The following KCNH8 variants were observed in gnomAD, a reference collection of about 807,000 sequenced individuals.
KCNH8 encodes the protein voltage-gated delayed rectifier potassium channel KCNH8.
In KCNH8, 70 loss-of-function variants were observed where a neutral mutation model predicts 103.6. That is an observed-to-expected ratio of 0.68 (90% confidence interval 0.56 to 0.82). The LOEUF (loss-of-function observed/expected upper bound fraction) is 0.82, where lower values mean the gene tolerates loss of function less well. Ranked by LOEUF, KCNH8 falls within the 40% of genes least tolerant of loss-of-function variation. The probability of loss-of-function intolerance (pLI) is 0.00; values close to 1 mark genes in which losing one functional copy is unlikely to be tolerated. For missense variants in KCNH8, 1,217 were observed against 1,329.9 expected, an observed-to-expected ratio of 0.92 and a Z score of 1.32; for synonymous variants, 498 against 489.4, an observed-to-expected ratio of 1.02 and a Z score of -0.23.
At chr3:19,228,822 A>G (rs2063961742) in intron 1 of KCNH8, among the ~76,000 whole-genome samples, 1 of 152,222 alleles carries the variant, frequency 6.6e-6, no homozygotes, top group Admixed American at 6.5e-5. Context: ...CAGAGAAAAA[A>G]CAAATATGTC....
At chr3:19,375,056 A>G (rs1046031506) in intron 5 of KCNH8, among the ~76,000 whole-genome samples, 1 of 150,276 alleles carries the variant, frequency 6.7e-6, no homozygotes, top group African/African-American at 2.5e-5. Context: ...CTTCATTTCA[A>G]CTTTGGTGAA....
At chr3:19,496,576 G>A (rs1349970329) in intron 11 of KCNH8, among the ~76,000 whole-genome samples, 1 of 152,064 alleles carries the variant, frequency 6.6e-6, no homozygotes, top group Non-Finnish European at 1.5e-5. Flanking sequence ...TTTATGATGT[G>A]CTGCTGGATT....
At chr3:19,327,595 G>A (rs1034972820) in intron 3 of KCNH8, among the ~76,000 whole-genome samples, 1 of 152,130 alleles carries the variant, frequency 6.6e-6, no homozygotes, top group African/African-American at 2.4e-5. Flanking sequence ...TGGCCCCATG[G>A]CCATAATTAT....
chr3:19,378,332 T>C (rs1399632282), intron 5 of KCNH8, among the ~76,000 whole-genome samples: 1 of 152,090 alleles, frequency 6.6e-6, no homozygotes, highest in African/African-American at 2.4e-5. Context: ...AAAGCAGAAG[T>C]GAATTTTGAT....
At chr3:19,499,493 T>C (rs2125231723) in intron 11 of KCNH8, among the ~76,000 whole-genome samples, 1 of 152,226 alleles carries the variant, frequency 6.6e-6, no homozygotes, top group African/African-American at 2.4e-5. Context: ...AATTGTCAGA[T>C]TCACCAAAGT....
chr3:19,285,734 A>C (rs1455298320), intron 3 of KCNH8, among the ~76,000 whole-genome samples: 4 of 151,878 alleles, frequency 2.6e-5, no homozygotes, highest in Non-Finnish European at 5.9e-5. Flanking sequence ...CCTAGGATTT[A>C]CACTCATGCA....
At chr3:19,402,222 T>G (rs1203895487) in intron 7 of KCNH8, among the ~76,000 whole-genome samples, 1 of 152,012 alleles carries the variant, frequency 6.6e-6, no homozygotes, top group African/African-American at 2.4e-5. Flanking sequence ...TTCTTTTTTG[T>G]ACATATTGTT....
intron 3 of KCNH8, among the ~76,000 whole-genome samples, chr3:19,288,665 A>T (rs1205462821): frequency 6.6e-6 from 1 of 152,046 alleles, no homozygotes; most frequent in Non-Finnish European, 1.5e-5. Context: ...AGTCTTTGCT[A>T]TTGTGAATAG....
rs368647359 is a variant in KCNH8, at chr3:19,427,899, G to A, written c.1178-10265G>A. Among the ~76,000 whole-genome samples the A allele has an allele frequency of 1.6e-4, 24 of 152,298 alleles. No individual in the cohort carries two copies. In the South Asian group the frequency reaches 5.0e-3, roughly 32 times the overall value. On this transcript the variant is annotated intron_variant, in intron 7 of 15. Transcript: ENST00000328405. ...ATTCCTATTTGCAGGTGGAAGGAGA[G>A]AGCACTTACAGAGAAAAATCTACTG...
At chr3:19,173,354 C>T (rs987276554) in intron 1 of KCNH8, among the ~76,000 whole-genome samples, 5 of 151,770 alleles carry the variant, frequency 3.3e-5, no homozygotes, top group African/African-American at 4.8e-5. Flanking sequence ...GGACAGTGCC[C>T]GGATTTTTCC....
At chr3:19,311,805 A>G (rs1380443116) in intron 3 of KCNH8, among the ~76,000 whole-genome samples, 1 of 151,928 alleles carries the variant, frequency 6.6e-6, no homozygotes, top group Non-Finnish European at 1.5e-5. Flanking sequence ...TGTTGACTAC[A>G]TTTGAAACTG....
chr3:19,504,246 C>T (rs1318587298), intron 11 of KCNH8, among the ~76,000 whole-genome samples: 2 of 152,142 alleles, frequency 1.3e-5, no homozygotes, highest in Non-Finnish European at 2.9e-5. Flanking sequence ...TGGAAGACAA[C>T]CTTGGCAAAT....
At chr3:19,504,133 A>G (rs2068646844) in intron 11 of KCNH8, among the ~76,000 whole-genome samples, 1 of 152,160 alleles carries the variant, frequency 6.6e-6, no homozygotes, top group Non-Finnish European at 1.5e-5. Context: ...ATAACTGGCT[A>G]GCCATATGCA....
intron 7 of KCNH8, among the ~76,000 whole-genome samples, chr3:19,430,769 G>T (rs538939010): frequency 6.6e-6 from 1 of 151,948 alleles, no homozygotes; most frequent in Admixed American, 6.6e-5. Context: ...GTTTGCTTGC[G>T]ATTTGACTCT....
intron 1 of KCNH8, among the ~76,000 whole-genome samples, chr3:19,187,544 A>G (rs970090747): frequency 6.6e-6 from 1 of 152,010 alleles, no homozygotes; most frequent in Admixed American, 6.6e-5. Context: ...CTGATGGAGT[A>G]AAAAATACTG....
chr3:19,513,371 T>A (rs534739192), intron 13 of KCNH8, 46 bp downstream of exon 13: 1 of 1,540,812 alleles, frequency 6.5e-7, no homozygotes, highest in Admixed American at 2.0e-5. Flanking sequence ...CGTGGCTGCC[T>A]TTTATACAGA....
intron 3 of KCNH8, among the ~76,000 whole-genome samples, chr3:19,315,416 C>A (rs778247185): frequency 2.6e-5 from 4 of 151,920 alleles, no homozygotes; most frequent in Non-Finnish European, 4.4e-5. Context: ...TCAGCTTTTG[C>A]CTTATCCAAG....
intron 1 of KCNH8, among the ~76,000 whole-genome samples, chr3:19,179,760 G>A (rs1388704859): frequency 6.6e-6 from 1 of 152,088 alleles, no homozygotes; most frequent in East Asian, 1.9e-4. Context: ...TAGAGGAGAA[G>A]TGTGTATCCA....
intron 1 of KCNH8, among the ~76,000 whole-genome samples, chr3:19,160,333 T>C (rs2063221612): frequency 6.6e-6 from 1 of 152,154 alleles, no homozygotes; most frequent in African/African-American, 2.4e-5. Context: ...TTATTCATTT[T>C]TTTTGGTAAG....
Sources: allele counts gnomAD v4.1 joint callset (sites outside exome capture counted in the v4.1 genomes callset), GRCh38; gene constraint gnomAD v4.1.1; transcripts MANE v1.5; gene names NCBI Gene and HGNC (gene_info 2026-07-23, HGNC 2026-07-21).